Variants in SEMA3A observed in about 807,000 individuals in gnomAD.
The protein encoded by SEMA3A is semaphorin 3A, also known as semaphorin-3A.
Under a neutral mutation model 97.9 loss-of-function variants are expected in SEMA3A, and 29 were observed. The ratio of observed to expected loss-of-function variants is 0.30; its 90% CI spans 0.22 to 0.40. The LOEUF (loss-of-function observed/expected upper bound fraction) is 0.40, where lower values mean the gene tolerates loss of function less well. Among genes scored for constraint, SEMA3A ranks in the 10% least tolerant of loss-of-function variants. The pLI is 1.00. For missense variants in SEMA3A, 763 were observed against 951.3 expected (o/e 0.80, Z 2.60); for synonymous variants, 321 against 323.7 (o/e 0.99, Z 0.09).
intron 2 of SEMA3A, among the ~76,000 whole-genome samples, chr7:84,340,334 T>C (rs991624233): frequency 1.9e-4 from 29 of 152,316 alleles, no homozygotes; most frequent in African/African-American, 7.0e-4. Context: ...TTTTCAACTC[T>C]AGTAATTTTG....
chr7:84,468,305 G>C (rs1254675722), intron 1 of SEMA3A, among the ~76,000 whole-genome samples: 5 of 152,134 alleles, frequency 3.3e-5, no homozygotes, highest in Non-Finnish European at 7.3e-5. Flanking sequence ...ATCTTCCTAA[G>C]ACCTAGCAGA....
intron 6 of SEMA3A, among the ~76,000 whole-genome samples, chr7:84,024,311 C>A (rs773761802): frequency 4.6e-5 from 7 of 152,042 alleles, no homozygotes; most frequent in African/African-American, 1.4e-4. Context: ...GAGGCCAAGG[C>A]GGGTGAATCA....
chr7:84,462,828 T>C (rs1034396619), intron 1 of SEMA3A, among the ~76,000 whole-genome samples: 5 of 152,068 alleles, frequency 3.3e-5, no homozygotes, highest in African/African-American at 9.7e-5. Context: ...GACAGACAGA[T>C]AGATAGATAG....
At chr7:84,005,671 G>A in intron 10 of SEMA3A, 113 bp from the exon 11 acceptor site, 1 of 720,292 alleles carries the variant, frequency 1.4e-6, no homozygotes, top group Non-Finnish European at 2.2e-6. Context: ...GTGCAGGCCA[G>A]GTATGGTAGC....
chr7:83,957,439 C>T lies in SEMA3A; in HGVS notation c.*3932G>A, dbSNP rs1398040131. 1 of 152,012 alleles carries T rather than the reference C, an allele frequency of 6.6e-6. No homozygotes were observed. The highest frequency in any genetic ancestry group is 1.5e-5 in the Non-Finnish European group (1 of 67,950). 9.4% of individuals were successfully genotyped at this position (152,012 alleles called of 1,614,324 possible). On this transcript the variant is annotated 3_prime_UTR_variant, in exon 17 of 17. Transcript: ENST00000265362. ...CTAAAAGGCAAAGTGTCTAGAGGCC[C>T]AGTTTTTTAATATTCAAAATCTTCT...
At chr7:84,394,308 T>A (rs572532701) in intron 1 of SEMA3A, among the ~76,000 whole-genome samples, 1 of 152,124 alleles carries the variant, frequency 6.6e-6, no homozygotes, top group Non-Finnish European at 1.5e-5. Flanking sequence ...TATGTGTTGA[T>A]TGACCATTAA....
rs1377708259 is a variant in SEMA3A at position 84,232,295 on chromosome 7, A to G, written c.-82-37627T>C. Among the ~76,000 whole-genome samples the G allele has an allele frequency of 2.7e-5, 4 of 148,422 alleles. No individual in the cohort carries two copies. In the East Asian group the frequency reaches 7.8e-4, roughly 29 times the overall value. ...TTTTATTATATAAATATATATATTTACTTTTCTTGCAACTAAGGTCATATT... is the reference window on the plus strand; with the variant it reads ...TTTTATTATATAAATATATATATTTGCTTTTCTTGCAACTAAGGTCATATT... On this transcript the variant is annotated intron_variant, in intron 3 of 3. Transcript: ENST00000424555.
chr7:83,971,100 A>G (rs1366093678), intron 15 of SEMA3A, among the ~76,000 whole-genome samples: 2 of 152,212 alleles, frequency 1.3e-5, no homozygotes, highest in African/African-American at 4.8e-5. Context: ...ATTCATTCTT[A>G]ACATTCATGT....
chr7:84,287,798 A>C (rs565585585), intron 3 of SEMA3A, among the ~76,000 whole-genome samples: 1 of 152,050 alleles, frequency 6.6e-6, no homozygotes, highest in Non-Finnish European at 1.5e-5. Context: ...GTATCTGAAA[A>C]CTCAGCATGT....
chr7:84,108,330 C>T (rs1281470541), intron 4 of SEMA3A, among the ~76,000 whole-genome samples: 1 of 146,614 alleles, frequency 6.8e-6, no homozygotes, highest in African/African-American at 2.5e-5. Flanking sequence ...GATTAAAACT[C>T]CTTGAGTTTC....
intron 12 of SEMA3A, among the ~76,000 whole-genome samples, chr7:83,995,806 C>G (rs1039168998): frequency 6.6e-5 from 10 of 152,270 alleles, no homozygotes; most frequent in African/African-American, 2.4e-4. Context: ...ACTTGCAAAG[C>G]TTTTCAACCT....
chr7:83,974,402 G>A (rs1462146317), intron 15 of SEMA3A, among the ~76,000 whole-genome samples: 1 of 152,124 alleles, frequency 6.6e-6, no homozygotes, highest in Admixed American at 6.5e-5. Context: ...ACCTCTGGAT[G>A]TGTAAACTAT....
At chr7:84,407,626 G>GGC (rs1562936626) in intron 1 of SEMA3A, among the ~76,000 whole-genome samples, 4 of 103,684 alleles carry the variant, frequency 3.9e-5, no homozygotes, top group Non-Finnish European at 9.3e-5. Flanking sequence ...AGGCATCACC[G>GGC]TACCTGACTT....
At chr7:84,432,789 T>C (rs1208238277) in intron 1 of SEMA3A, among the ~76,000 whole-genome samples, 3 of 152,172 alleles carry the variant, frequency 2.0e-5, no homozygotes, top group African/African-American at 4.8e-5. Context: ...AAATCCACCA[T>C]TGATAGACAT....
At chr7:84,168,195 G>A (rs959000622) in intron 1 of SEMA3A, among the ~76,000 whole-genome samples, 5 of 151,882 alleles carry the variant, frequency 3.3e-5, no homozygotes, top group Admixed American at 3.3e-4. Context: ...AAAGGACAAT[G>A]AAAAATAAAC....
chr7:84,036,795 C>T (rs1791956531), intron 6 of SEMA3A, among the ~76,000 whole-genome samples: 1 of 151,940 alleles, frequency 6.6e-6, no homozygotes, highest in Non-Finnish European at 1.5e-5. Context: ...ACCATATGGT[C>T]AGATATAAAA....
intron 3 of SEMA3A, among the ~76,000 whole-genome samples, chr7:84,254,146 T>G (rs1799666518): frequency 6.6e-6 from 1 of 152,094 alleles, no homozygotes; most frequent in African/African-American, 2.4e-5. Flanking sequence ...TGTGAGAGAT[T>G]TAATCATCTC....
At chr7:84,023,121 T>G (rs111878402) in intron 6 of SEMA3A, among the ~76,000 whole-genome samples, 1 of 152,336 alleles carries the variant, frequency 6.6e-6, no homozygotes, top group African/African-American at 2.4e-5. Flanking sequence ...GTTGAAATAT[T>G]TTTAGCAGCT....
chr7:84,184,150 A>T (rs1327169095), intron 1 of SEMA3A, among the ~76,000 whole-genome samples: 2 of 152,144 alleles, frequency 1.3e-5, no homozygotes, highest in African/African-American at 2.4e-5. Context: ...GCAGACATTG[A>T]TCTGCCTTGC....
Sources: allele counts gnomAD v4.1 joint callset (sites outside exome capture counted in the v4.1 genomes callset), GRCh38; gene constraint gnomAD v4.1.1; transcripts MANE v1.5; gene names NCBI Gene and HGNC (gene_info 2026-07-23, HGNC 2026-07-21).